RGS7: variants seen among roughly 807,000 people sequenced by gnomAD.
The protein encoded by RGS7 is regulator of G-protein signaling 7.
Under a neutral mutation model 81.1 loss-of-function variants are expected in RGS7, and 27 were observed. The ratio of observed to expected loss-of-function variants is 0.33; its 90% CI spans 0.25 to 0.46. The LOEUF (loss-of-function observed/expected upper bound fraction) is 0.46, where lower values mean the gene tolerates loss of function less well. Among genes scored for constraint, RGS7 ranks in the 20% least tolerant of loss-of-function variants. RGS7 has a pLI of 1.00. For missense variants in RGS7, 396 were observed against 607.4 expected, an observed-to-expected ratio of 0.65 and a Z score of 3.66; for synonymous variants, 208 against 207.7, an observed-to-expected ratio of 1.00 and a Z score of -0.01.
chr1:241,161,760 C>T (rs554537686), intron 2 of RGS7, among the ~76,000 whole-genome samples: 2 of 146,214 alleles, frequency 1.4e-5, no homozygotes, highest in South Asian at 2.2e-4. Flanking sequence ...CTCTGTTGCT[C>T]AGGCTGGAGT....
chr1:240,938,200 G>A (rs927953528), intron 4 of RGS7, among the ~76,000 whole-genome samples: 2 of 152,168 alleles, frequency 1.3e-5, no homozygotes, highest in Non-Finnish European at 2.9e-5. Flanking sequence ...TCCCACATCT[G>A]TGGATTTTTG....
intron 3 of RGS7, among the ~76,000 whole-genome samples, chr1:241,027,152 A>G (rs1268482891): frequency 1.3e-5 from 2 of 151,822 alleles, no homozygotes; most frequent in Non-Finnish European, 2.9e-5. Flanking sequence ...GCAGTTAGCT[A>G]TGATTATGTC....
intron 2 of RGS7, among the ~76,000 whole-genome samples, chr1:241,147,812 ATATATATG>A (rs2068450772): frequency 2.3e-5 from 3 of 132,572 alleles, no homozygotes; most frequent in African/African-American, 8.1e-5. Context: ...ATATATATAT[ATATATATG>A]TAAGAATCAA....
At chr1:240,920,111 T>G in intron 6 of RGS7, 1 of 904,440 alleles carries the variant, frequency 1.1e-6, no homozygotes, top group Non-Finnish European at 1.8e-6. Context: ...TAATCTTTGA[T>G]GACTATGACT....
intron 4 of RGS7, among the ~76,000 whole-genome samples, chr1:240,942,292 C>T (rs1286690995): frequency 6.6e-6 from 1 of 152,112 alleles, no homozygotes; most frequent in Non-Finnish European, 1.5e-5. Context: ...GGTTAGCTCA[C>T]GGTGCTTATA....
chr1:240,827,864 CAAAAAA>C (rs57562408), intron 9 of RGS7, among the ~76,000 whole-genome samples: 2 of 52,864 alleles, frequency 3.8e-5, no homozygotes, highest in African/African-American at 1.0e-4. Flanking sequence ...AACTCCATTG[CAAAAAA>C]AAAAAAAAAA....
chr1:240,938,731 C>T (rs1351911643), intron 4 of RGS7, among the ~76,000 whole-genome samples: 1 of 152,088 alleles, frequency 6.6e-6, no homozygotes, highest in African/African-American at 2.4e-5. Flanking sequence ...CTAACTGCTC[C>T]AGCCATCATC....
chr1:240,874,788 C>T (rs187672885), intron 6 of RGS7, among the ~76,000 whole-genome samples: 1 of 152,272 alleles, frequency 6.6e-6, no homozygotes, highest in East Asian at 1.9e-4. Context: ...TGCCTGTAAT[C>T]TCAGCAGTTT....
At chr1:240,806,101 G>A (rs373821425) in intron 15 of RGS7, 39 bp downstream of exon 15, 131 of 1,581,780 alleles carry the variant, frequency 8.3e-5, no homozygotes, top group Non-Finnish European at 1.0e-4. Context: ...TCAACTTCTC[G>A]GAAGCACGTT....
At chr1:240,985,071 C>T (rs778157090) in intron 3 of RGS7, among the ~76,000 whole-genome samples, 2 of 152,188 alleles carry the variant, frequency 1.3e-5, no homozygotes, top group Non-Finnish European at 2.9e-5. Context: ...CTCCAGAAGG[C>T]AGTTGACCGT....
At chr1:241,265,764 A>G (rs1018348415) in intron 2 of RGS7, among the ~76,000 whole-genome samples, 3 of 149,920 alleles carry the variant, frequency 2.0e-5, no homozygotes, top group African/African-American at 7.4e-5. Context: ...CCTGATCTCA[A>G]GTTACTGCCC....
intron 18 of RGS7, among the ~76,000 whole-genome samples, chr1:240,793,487 A>G (rs2103019070): frequency 6.6e-6 from 1 of 151,498 alleles, no homozygotes; most frequent in South Asian, 2.1e-4. Context: ...AAAATAGTTC[A>G]TCTTTGAGCA....
intron 2 of RGS7, among the ~76,000 whole-genome samples, chr1:241,306,530 CCA>C (rs1183451722): frequency 6.6e-6 from 1 of 150,902 alleles, no homozygotes; most frequent in South Asian, 2.1e-4. Flanking sequence ...GTACACACGT[CCA>C]CACACATGCA....
chr1:241,113,778 T>C (rs2065697160), intron 2 of RGS7, among the ~76,000 whole-genome samples: 1 of 152,270 alleles, frequency 6.6e-6, no homozygotes, highest in East Asian at 1.9e-4. Flanking sequence ...AAACATGTAC[T>C]TTACAGCATA....
At position 241,243,833 on chromosome 1, in the gene RGS7, C is replaced by A. The variant is rs116853184; in HGVS notation, c.78+111866G>T. The stretch of plus-strand genomic sequence containing the variant: ...CTGGAGCATCCAGCAGAGAAAATTT[C>A]TATTGCAAGAAGTAAACACTTGATT... On this transcript the variant is annotated intron_variant, in intron 2 of 18. Transcript: ENST00000440928. Among the ~76,000 whole-genome samples, 317 of 152,282 alleles carry A rather than the reference C, an allele frequency of 2.1e-3. 11 individuals are homozygous for A. The East Asian group carries it at 0.054, about 26-fold the overall frequency.
rs564316721 is a variant in RGS7, at chr1:241,278,490, C to T, written c.78+77209G>A. 5.3e-5 allele frequency among the ~76,000 whole-genome samples: 8 copies of T among 152,304 alleles called. No homozygotes were observed. The East Asian group carries it at 9.6e-4, about 18-fold the overall frequency. The stretch of plus-strand genomic sequence containing the variant: ...TTTGCACGAAGTGAGTTGTTTCAGG[C>T]GCAGCCATTGTTGTTGTTAGTGAGG... On this transcript the variant is annotated intron_variant, in intron 2 of 18. Coordinates refer to ENST00000440928, the MANE Select transcript of RGS7 (RefSeq NM_001364886.1).
chr1:241,257,226 G>C (rs1428152498), intron 2 of RGS7, among the ~76,000 whole-genome samples: 2 of 151,956 alleles, frequency 1.3e-5, no homozygotes, highest in Non-Finnish European at 2.9e-5. Context: ...GTCTGTTGAG[G>C]GTATGATCTC....
At chr1:241,220,133 C>T (rs1222486041) in intron 2 of RGS7, among the ~76,000 whole-genome samples, 2 of 152,104 alleles carry the variant, frequency 1.3e-5, no homozygotes, top group East Asian at 3.9e-4. Flanking sequence ...TGTTATGTTG[C>T]TTACTTGAAA....
At position 240,917,629 on chromosome 1, in the gene RGS7, G is replaced by C. The variant is rs79679051; in HGVS notation, c.385+13088C>G. Reference sequence around the variant, plus strand: ...TTAAAAGGAATTATAATTGATACTGGGCAAAAAGGGAAAACAGAATTATAT... The same window carrying C: ...TTAAAAGGAATTATAATTGATACTGCGCAAAAAGGGAAAACAGAATTATAT... On this transcript the variant is annotated intron_variant, in intron 6 of 18. Transcript: ENST00000440928. Among the ~76,000 whole-genome samples the C allele has an allele frequency of 3.8e-3, 578 of 151,866 alleles. 3 individuals carry two copies. The highest frequency in any genetic ancestry group is 0.01 in the Middle Eastern group (3 of 294).
Sources: gnomAD v4.1 joint callset for allele counts (sites outside exome capture counted in the v4.1 genomes callset) on GRCh38, gnomAD v4.1.1 for gene constraint, MANE v1.5 for transcripts, NCBI Gene and HGNC (gene_info 2026-07-23, HGNC 2026-07-21) for gene names.